MREG: variants seen among roughly 807,000 people sequenced by gnomAD.
MREG encodes melanoregulin.
Under a neutral mutation model 28.5 loss-of-function variants are expected in MREG, and 31 were observed. The observed-to-expected ratio is 1.09, with a 90% CI of 0.82 to 1.47. The LOEUF (loss-of-function observed/expected upper bound fraction) is 1.47. MREG is among the 40% of genes most tolerant of loss of function. The pLI, the probability that MREG is intolerant of heterozygous loss-of-function variation, is 0.00. For synonymous variants in MREG, 106 were observed against 95.2 expected, an observed-to-expected ratio of 1.11 and a Z score of -0.66; for missense variants, 256 against 257.4, an observed-to-expected ratio of 0.99 and a Z score of 0.04.
chr2:216,008,989 T>C (rs556118842), intron 1 of MREG, among the ~76,000 whole-genome samples: 25 of 152,312 alleles, frequency 1.6e-4, no homozygotes, highest in Admixed American at 4.6e-4. Context: ...CATAGCCCTA[T>C]GAAGCACAGC....
At position 215,944,861 on chromosome 2, in the gene MREG, C is replaced by T; in HGVS notation, c.*2G>A. On this transcript the variant is annotated 3_prime_UTR_variant, in exon 5 of 5. Transcript: ENST00000263268. ...TTCCCATTCTGCCCCTGAGCCTCTC[C>T]TTTAGGGACTTGGAAACGGAAGGTA... 4 of 1,587,218 alleles carry T rather than the reference C, an allele frequency of 2.5e-6. No individual in the cohort carries two copies. In the South Asian group the frequency reaches 4.5e-5, roughly 18 times the overall value.
At position 216,013,426 on chromosome 2, in the gene MREG, C is replaced by A. The variant is rs2241624; in HGVS notation, c.-99G>T. On this transcript the variant is annotated 5_prime_UTR_variant, in exon 1 of 5. Transcript: ENST00000263268. ...CGGCCACCGCGCCAGCGTCCAGGTG[C>A]GGGGACAGCGGCAGCCCGGGCGTCG... 8.0e-3 allele frequency: 6,215 copies of A among 773,150 alleles called. 492 individuals carry two copies. The East Asian group carries it at 0.17, about 22-fold the overall frequency. 47.9% of individuals were successfully genotyped at this position (773,150 alleles called of 1,614,324 possible).
At chr2:215,979,192 G>A (rs184235917) in intron 2 of MREG, among the ~76,000 whole-genome samples, 5 of 152,206 alleles carry the variant, frequency 3.3e-5, no homozygotes, top group East Asian at 1.9e-4. Flanking sequence ...GGTCGGGCAC[G>A]GTGGCTCACG....
chr2:215,990,261 A>C (rs1693687466), intron 2 of MREG, among the ~76,000 whole-genome samples: 1 of 152,206 alleles, frequency 6.6e-6, no homozygotes, highest in Non-Finnish European at 1.5e-5. Context: ...TGAAGAAAAG[A>C]ATTTTCAACC....
At chr2:216,033,984 T>C (rs1694752560), upstream of MREG, 1 of 152,222 alleles carries the variant, frequency 6.6e-6, no homozygotes, top group South Asian at 2.1e-4. Context: ...TGGTTTAGAA[T>C]CTTCCCGCTG....
intron 2 of MREG, among the ~76,000 whole-genome samples, chr2:215,955,947 T>G (rs1227174097): frequency 6.6e-6 from 1 of 152,186 alleles, no homozygotes; most frequent in African/African-American, 2.4e-5. Flanking sequence ...TCTCCAGTAA[T>G]GCACCGTGGG....
chr2:216,007,439 A>T (rs1390217421), intron 1 of MREG, among the ~76,000 whole-genome samples: 1 of 150,728 alleles, frequency 6.6e-6, no homozygotes, highest in Admixed American at 6.6e-5. Context: ...TTATTTATTT[A>T]TTTATTTTGA....
chr2:215,983,958 G>A (rs1248681660), intron 2 of MREG, among the ~76,000 whole-genome samples: 1 of 152,226 alleles, frequency 6.6e-6, no homozygotes, highest in Non-Finnish European at 1.5e-5. Context: ...AAGAGTTTAT[G>A]AGAATGATCT....
intron 1 of MREG, among the ~76,000 whole-genome samples, chr2:216,027,881 A>G (rs1376528483): frequency 6.6e-6 from 1 of 152,236 alleles, no homozygotes; most frequent in Non-Finnish European, 1.5e-5. Context: ...TTCTGAAAGC[A>G]TTCTAAATCT....
At chr2:215,940,312 G>C (rs997305376), downstream of MREG, among the ~76,000 whole-genome samples, 8 of 152,184 alleles carry the variant, frequency 5.3e-5, no homozygotes, top group Non-Finnish European at 1.2e-4. Flanking sequence ...TTGTGATTTA[G>C]AAGTTATGAG....
At chr2:215,946,416 C>CT (rs1238501861) in intron 3 of MREG, among the ~76,000 whole-genome samples, 1 of 150,444 alleles carries the variant, frequency 6.6e-6, no homozygotes, top group African/African-American at 2.5e-5. Context: ...GGATCAAGGA[C>CT]TTCAGAACTG....
In MREG at chr2:216,013,284, C is replaced by G; in HGVS notation, c.44G>C (p.Gly15Ala). The G allele has an allele frequency of 6.5e-7, 1 of 1,549,678 alleles. No homozygotes were observed. The highest frequency in any genetic ancestry group is 8.7e-7 in the Non-Finnish European group (1 of 1,146,620). ...GGCGCGCTCCTCCAAGCACTCGCACCCGCAGCAGCAGCACACGGTTCTCAG... is the reference window on the plus strand; with the variant it reads ...GGCGCGCTCCTCCAAGCACTCGCACGCGCAGCAGCAGCACACGGTTCTCAG... ...DWLRTVCCCC[G>A]CECLEERALP... is the part of the protein sequence containing the mutation. The change falls in exon 1 of 5, where the codon GGG becomes GCG. Residue 15 changes from glycine to alanine, a missense_variant. Gly to Ala is a moderately conservative substitution (Grantham distance 60). Coordinates refer to ENST00000263268, the MANE Select transcript of MREG (RefSeq NM_018000.3).
intron 2 of MREG, among the ~76,000 whole-genome samples, chr2:215,987,770 G>A (rs1693612093): frequency 6.6e-6 from 1 of 152,052 alleles, no homozygotes; most frequent in Non-Finnish European, 1.5e-5. Context: ...GGGTGTGGTG[G>A]CGCATGCCTG....
At chr2:216,013,160 A>G (rs1325403852) in intron 1 of MREG, 73 bp downstream of exon 1, 8 of 1,329,090 alleles carry the variant, frequency 6.0e-6, no homozygotes, top group Non-Finnish European at 8.3e-6. Context: ...ACACAAGCAC[A>G]CAGGTGTCCA....
intron 2 of MREG, among the ~76,000 whole-genome samples, chr2:215,953,844 A>G (rs1295792669): frequency 1.3e-5 from 2 of 152,206 alleles, no homozygotes; most frequent in African/African-American, 4.8e-5. Flanking sequence ...TGAGTATATA[A>G]AGGACAATAT....
chr2:216,010,409 G>C (rs1694269932), intron 1 of MREG, among the ~76,000 whole-genome samples: 1 of 129,682 alleles, frequency 7.7e-6, no homozygotes, highest in African/African-American at 2.9e-5. Flanking sequence ...CCAGGCTGGA[G>C]TGCAGTGGCG....
chr2:216,017,086 AC>A (rs1170819426), upstream of MREG, among the ~76,000 whole-genome samples: 15 of 152,126 alleles, frequency 9.9e-5, no homozygotes, highest in Admixed American at 9.8e-4. Flanking sequence ...TATGGTACAA[AC>A]CTTTTTCTGG....
At chr2:216,001,403 C>A (rs1394254489) in intron 1 of MREG, among the ~76,000 whole-genome samples, 1 of 152,178 alleles carries the variant, frequency 6.6e-6, no homozygotes, top group Non-Finnish European at 1.5e-5. Flanking sequence ...GGAAAGAGAA[C>A]CAACCGCTGT....
chr2:216,024,217 A>G (rs1694562062), intron 1 of MREG, among the ~76,000 whole-genome samples: 1 of 151,936 alleles, frequency 6.6e-6, no homozygotes, highest in African/African-American at 2.4e-5. Flanking sequence ...CCTATCACTC[A>G]CATCTTTCCT....
Sources: allele counts gnomAD v4.1 joint callset (sites outside exome capture counted in the v4.1 genomes callset), GRCh38; gene constraint gnomAD v4.1.1; transcripts MANE v1.5; gene names NCBI Gene and HGNC (gene_info 2026-07-23, HGNC 2026-07-21).